The following LMO7 variants were observed in gnomAD, a reference collection of about 807,000 sequenced individuals.
LMO7 encodes LIM domain 7, also known as LIM domain only protein 7.
LMO7 carries 120 observed loss-of-function variants against 206.5 expected under a neutral mutation model. The ratio of observed to expected loss-of-function variants is 0.58; its 90% CI spans 0.50 to 0.68. LMO7 has a LOEUF of 0.68. Among genes scored for constraint, LMO7 ranks in the 30% least tolerant of loss-of-function variants. The pLI is 0.00. For synonymous variants in LMO7, 706 were observed against 681.5 expected (o/e 1.04, Z -0.56); for missense variants, 1,959 against 1,957.9 (o/e 1.00, Z -0.01).
intron 1 of LMO7, among the ~76,000 whole-genome samples, chr13:75,646,575 CTTTT>C (rs72416416): frequency 7.2e-6 from 1 of 139,494 alleles, no homozygotes; most frequent in Non-Finnish European, 1.5e-5. Flanking sequence ...GTAGAGAGAA[CTTTT>C]TTTTTTTTTT....
At position 75,760,572 on chromosome 13, in the gene LMO7, G is replaced by A. The variant is rs1423479668; in HGVS notation, c.211-360G>A. On this transcript the variant is annotated intron_variant, in intron 3 of 30. Transcript: ENST00000377534. ...TTAAAGAGGAGAGGTGAGGCTTGCC[G>A]TGCAAAGCTGGAAAGAGGGCGTTTG... The A allele has an allele frequency of 5.9e-6, 8 of 1,351,304 alleles. No homozygotes were observed. In the South Asian group the frequency reaches 1.0e-4, roughly 18 times the overall value. 83.7% of individuals were successfully genotyped at this position (1,351,304 alleles called of 1,614,324 possible).
intron 15 of LMO7, among the ~76,000 whole-genome samples, chr13:75,831,621 A>T (rs1418830374): frequency 6.6e-6 from 1 of 152,190 alleles, no homozygotes; most frequent in Non-Finnish European, 1.5e-5. Flanking sequence ...GCTGTGTCAC[A>T]ACATGGTGGA....
chr13:75,818,037 T>G (rs1156841873), intron 12 of LMO7, among the ~76,000 whole-genome samples: 1 of 152,148 alleles, frequency 6.6e-6, no homozygotes, highest in East Asian at 1.9e-4. Context: ...TAAATCTTAA[T>G]TTTCAAAGGA....
chr13:75,685,978 C>T (rs921837296), intron 1 of LMO7, among the ~76,000 whole-genome samples: 1 of 148,412 alleles, frequency 6.7e-6, no homozygotes, highest in African/African-American at 2.5e-5. Flanking sequence ...GCCTTGATCT[C>T]CAGGACTCAA....
chr13:75,814,935 G>C (rs1195537446), intron 11 of LMO7, among the ~76,000 whole-genome samples: 1 of 152,116 alleles, frequency 6.6e-6, no homozygotes, highest in Non-Finnish European at 1.5e-5. Flanking sequence ...CAGAGGGAGT[G>C]GGGGCATGGT....
rs141938821 is a variant in LMO7, at chr13:75,766,772, A to G, written c.317+5734A>G. The stretch of plus-strand genomic sequence containing the variant: ...TAGAGACTTGAAACTATTTGAGGAC[A>G]GGAAGTATGTATTATTCCCTTTATC... On this transcript the variant is annotated intron_variant, in intron 4 of 30. Coordinates refer to ENST00000377534, the MANE Select transcript of LMO7 (RefSeq NM_001306080.2). Among the ~76,000 whole-genome samples the G allele has an allele frequency of 1.1e-3, 161 of 152,206 alleles. 1 individual carries two copies. Among genetic ancestry groups the G allele is most frequent in the African/African-American group, 3.7e-3 (153 of 41,548 alleles).
Position 75,853,110 on chromosome 13 carries a change from C to A in LMO7, c.4383C>A (p.Asn1461Lys). 6.2e-7 allele frequency: 1 copy of A among 1,606,156 alleles called. No individual in the cohort carries two copies. Among genetic ancestry groups the A allele is most frequent in the Non-Finnish European group, 8.5e-7 (1 of 1,174,970 alleles). Residue 1461 changes from asparagine (N) to lysine (K), a missense_variant, in exon 28 of 31, where the codon AAC (asparagine) becomes AAA (lysine). Physicochemically the swap from Asn to Lys is moderately conservative, Grantham distance 94. Coordinates refer to ENST00000377534, the MANE Select transcript of LMO7 (RefSeq NM_001306080.2). ...GTTTCAGAGGCGAATCTTTAGATAA[C>A]CTGGACTCCCCCCGATCCAATTCTT... Reference protein sequence around the residue: ...GIMRRGESLDNLDSPRSNSWR... With the variant: ...GIMRRGESLDKLDSPRSNSWR...
intron 4 of LMO7, among the ~76,000 whole-genome samples, chr13:75,767,328 C>T (rs1002623619): frequency 1.8e-4 from 27 of 151,840 alleles, no homozygotes; most frequent in Non-Finnish European, 3.2e-4. Flanking sequence ...TGAGACTTTC[C>T]GGTAGAAAAA....
At chr13:75,753,759 G>A (rs775884433) in intron 3 of LMO7, among the ~76,000 whole-genome samples, 1 of 152,078 alleles carries the variant, frequency 6.6e-6, no homozygotes, top group African/African-American at 2.4e-5. Flanking sequence ...GTTTCCTGAG[G>A]CCTCTCCAGT....
At chr13:75,717,588 A>AT (rs966926572) in intron 2 of LMO7, among the ~76,000 whole-genome samples, 5 of 149,646 alleles carry the variant, frequency 3.3e-5, no homozygotes, top group South Asian at 2.1e-4. Context: ...AAAAATATAT[A>AT]TTTTTTTATT....
At chr13:75,711,123 C>A (rs1391892109) in intron 1 of LMO7, among the ~76,000 whole-genome samples, 2 of 152,182 alleles carry the variant, frequency 1.3e-5, no homozygotes, top group African/African-American at 4.8e-5. Context: ...ATATGTTGAA[C>A]CAGCCTTGCA....
At chr13:75,758,551 T>C (rs1456828585) in intron 3 of LMO7, among the ~76,000 whole-genome samples, 3 of 152,182 alleles carry the variant, frequency 2.0e-5, no homozygotes, top group Admixed American at 2.0e-4. Flanking sequence ...AATAAAGTCT[T>C]TATTTAAGGC....
At chr13:75,772,346 TGGGTTAGATGTGATA>T (rs2049869584) in intron 4 of LMO7, among the ~76,000 whole-genome samples, 1 of 152,078 alleles carries the variant, frequency 6.6e-6, no homozygotes, top group Non-Finnish European at 1.5e-5. Flanking sequence ...AACTAGTAGA[TGGGTTAGATGTGATA>T]AACACTTGAG....
At position 75,819,453 on chromosome 13, in the gene LMO7, G is replaced by T. The variant is rs1025309123; in HGVS notation, c.2125G>T (p.Glu709Ter). The change falls in exon 13 of 31, where the codon GAA becomes TAA. Residue 709 changes from glutamate to a stop codon, truncating the protein, a stop_gained. Coordinates refer to ENST00000377534, the MANE Select transcript of LMO7 (RefSeq NM_001306080.2). LOFTEE classifies it high-confidence loss of function. ...CACTTCAGATCTGCAGAAGAAAAAA[G>T]AAGAGAGAGAAGAAATTGAAAAGCA... ...SYTSDLQKKKEEREEIEKQAL... is the reference protein window; with the variant it reads ...SYTSDLQKKK 6.2e-7 allele frequency: 1 copy of T among 1,612,942 alleles called. No individual in the cohort carries two copies. The highest frequency in any genetic ancestry group is 8.5e-7 in the Non-Finnish European group (1 of 1,179,740).
intron 3 of LMO7, among the ~76,000 whole-genome samples, chr13:75,758,610 A>G (rs2047882786): frequency 6.6e-6 from 1 of 152,216 alleles, no homozygotes; most frequent in South Asian, 2.1e-4. Context: ...TTTGTCTTCA[A>G]CTAAGTATAG....
At chr13:75,632,861 A>ATTTTTTTTT (rs1339104269), upstream of LMO7, among the ~76,000 whole-genome samples, 2 of 30,542 alleles carry the variant, frequency 6.5e-5, no homozygotes, top group African/African-American at 1.7e-4. Context: ...ATTACTTAAA[A>ATTTTTTTTT]GTTTTTTTTT....
intron 30 of LMO7, 39 bp downstream of exon 30, chr13:75,856,647 A>C (rs1853548374): frequency 8.0e-7 from 1 of 1,257,240 alleles, no homozygotes; most frequent in Non-Finnish European, 1.2e-6. Context: ...CTTGCCTTTT[A>C]AGGAGGCCAC....
chr13:75,812,832 C>T (rs753140383), intron 11 of LMO7, among the ~76,000 whole-genome samples: 2 of 152,170 alleles, frequency 1.3e-5, no homozygotes, highest in African/African-American at 4.8e-5. Context: ...TAAGGAAATA[C>T]AAATGAAGCA....
chr13:75,780,355 A>G (rs986569421), intron 4 of LMO7, among the ~76,000 whole-genome samples: 2 of 152,158 alleles, frequency 1.3e-5, no homozygotes, highest in Admixed American at 6.5e-5. Flanking sequence ...TCCCCCTGGG[A>G]GTGCATTCTT....
Sources: allele counts gnomAD v4.1 joint callset (sites outside exome capture counted in the v4.1 genomes callset), GRCh38; gene constraint gnomAD v4.1.1; transcripts MANE v1.5; gene names NCBI Gene and HGNC (gene_info 2026-07-23, HGNC 2026-07-21).